Variants in ELF2 observed in about 807,000 individuals in gnomAD.
The protein encoded by ELF2 is ETS-related transcription factor Elf-2.
Under a neutral mutation model 54.8 loss-of-function variants are expected in ELF2, and 11 were observed. The observed-to-expected ratio is 0.20, with a 90% confidence interval of 0.13 to 0.33. The LOEUF is 0.33. Ranked by LOEUF, ELF2 falls within the 10% of genes least tolerant of loss-of-function variation. ELF2 has a pLI of 1.00. For missense variants in ELF2, 513 were observed against 703.0 expected (o/e 0.73, Z 3.06); for synonymous variants, 203 against 245.1 (o/e 0.83, Z 1.61).
chr4:139,090,618 A>G (rs1177417435), intron 4 of ELF2, among the ~76,000 whole-genome samples: 1 of 152,164 alleles, frequency 6.6e-6, no homozygotes, highest in Non-Finnish European at 1.5e-5. Flanking sequence ...TTCTTGAGAC[A>G]GGGTCTGGCT....
intron 1 of ELF2, among the ~76,000 whole-genome samples, chr4:139,176,557 G>C (rs1317952615): frequency 3.3e-5 from 5 of 151,952 alleles, no homozygotes; most frequent in African/African-American, 1.2e-4. Flanking sequence ...GCCTCCCCGC[G>C]GGATGAGGCG....
chr4:139,133,640 T>TG (rs1272402012), intron 3 of ELF2, among the ~76,000 whole-genome samples: 1 of 151,776 alleles, frequency 6.6e-6, no homozygotes, highest in African/African-American at 2.4e-5. Context: ...CCCTACCTTT[T>TG]TTTTTTTTTT....
chr4:139,091,209 C>T (rs1226546708), intron 4 of ELF2, among the ~76,000 whole-genome samples: 3 of 152,092 alleles, frequency 2.0e-5, no homozygotes, highest in East Asian at 3.9e-4. Flanking sequence ...GGATTAAAGG[C>T]GTGAGCCACC....
chr4:139,177,902 G>C (rs1743140425), upstream of ELF2, among the ~76,000 whole-genome samples: 1 of 152,094 alleles, frequency 6.6e-6, no homozygotes, highest in Admixed American at 6.5e-5. Flanking sequence ...CTCAGCCTTG[G>C]CTTAGTGAAA....
chr4:139,114,561 TCACACACACACA>T (rs776035411), intron 4 of ELF2, among the ~76,000 whole-genome samples: 6 of 108,646 alleles, frequency 5.5e-5, no homozygotes, highest in Middle Eastern at 4.4e-3. Context: ...GACTTCAGTC[TCACACACACACA>T]CACACACACA....
In ELF2 at chr4:139,169,069, C is replaced by T. The variant is rs186785867; in HGVS notation, c.-252+7898G>A. On this transcript the variant is annotated intron_variant, in intron 1 of 9. Coordinates refer to ENST00000686138, the MANE Select transcript of ELF2 (RefSeq NM_001331036.3). ...CAGTAATCCCAGCACTTTGGGAGGCCGAGACAGGCAGATCACGCTTGTAAT... is the reference window on the plus strand; with the variant it reads ...CAGTAATCCCAGCACTTTGGGAGGCTGAGACAGGCAGATCACGCTTGTAAT... Among the ~76,000 whole-genome samples, 353 of 151,884 alleles carry T rather than the reference C, an allele frequency of 2.3e-3. 1 individual carries two copies. The highest frequency in any genetic ancestry group is 4.1e-3 in the Non-Finnish European group (278 of 67,898).
At chr4:139,106,928 C>T (rs1734478765) in intron 4 of ELF2, among the ~76,000 whole-genome samples, 1 of 151,028 alleles carries the variant, frequency 6.6e-6, no homozygotes, top group South Asian at 2.1e-4. Context: ...TTGTATTTAG[C>T]AGAGAAGGGG....
At chr4:139,136,977 C>G (rs1407796713) in intron 3 of ELF2, 1 of 152,176 alleles carries the variant, frequency 6.6e-6, no homozygotes, top group Admixed American at 6.6e-5. Flanking sequence ...AATATTCACT[C>G]TTTACTGAAT....
intron 1 of ELF2, among the ~76,000 whole-genome samples, chr4:139,159,660 G>A (rs1047547966): frequency 6.6e-6 from 1 of 152,186 alleles, no homozygotes; most frequent in Non-Finnish European, 1.5e-5. Context: ...GAAATGATGG[G>A]ATCTGATGCC....
At chr4:139,086,118 T>G (rs1161637270) in intron 4 of ELF2, among the ~76,000 whole-genome samples, 1 of 152,150 alleles carries the variant, frequency 6.6e-6, no homozygotes, top group African/African-American at 2.4e-5. Flanking sequence ...TGCAAAATGG[T>G]TGATTTTTTT....
At chr4:139,081,592 G>C (rs761589678) in intron 4 of ELF2, among the ~76,000 whole-genome samples, 9 of 152,142 alleles carry the variant, frequency 5.9e-5, no homozygotes, top group Admixed American at 1.3e-4. Context: ...TTGTGAGGAA[G>C]AATTCTCTGT....
intron 4 of ELF2, among the ~76,000 whole-genome samples, chr4:139,092,796 C>G (rs1732816464): frequency 6.6e-6 from 1 of 151,116 alleles, no homozygotes; most frequent in African/African-American, 2.4e-5. Flanking sequence ...GAGACTCCGT[C>G]TCAAAAATAA....
At chr4:139,093,403 A>C (rs930236433) in intron 4 of ELF2, among the ~76,000 whole-genome samples, 3 of 152,246 alleles carry the variant, frequency 2.0e-5, no homozygotes, top group Non-Finnish European at 4.4e-5. Context: ...TAACTTATGC[A>C]AGCTGTTTGC....
At position 139,058,833 on chromosome 4, in the gene ELF2, A is replaced by G. The variant is rs1428266892; in HGVS notation, c.*150T>C. 13 of 1,089,232 alleles carry G rather than the reference A, an allele frequency of 1.2e-5. No homozygotes were observed. The highest frequency in any genetic ancestry group is 1.3e-5 in the Non-Finnish European group (10 of 789,244). 67.5% of individuals were successfully genotyped at this position (1,089,232 alleles called of 1,614,324 possible). A position where few individuals can be genotyped will look rare whatever the true frequency, so the allele number is the denominator to read the frequency against. ...TTCATTTCCCACTGAAACATGGGATAGGTAATTTATTTCCAGTAAGTCTGA... is the reference window on the plus strand; with the variant it reads ...TTCATTTCCCACTGAAACATGGGATGGGTAATTTATTTCCAGTAAGTCTGA... On this transcript the variant is annotated 3_prime_UTR_variant, in exon 10 of 10. Transcript: ENST00000686138.
At chr4:139,061,741 C>T (rs961650055) in intron 8 of ELF2, 124 bp downstream of exon 8, 6 of 1,057,936 alleles carry the variant, frequency 5.7e-6, no homozygotes, top group Non-Finnish European at 6.6e-6. Context: ...ATCTAAGAAG[C>T]TCCTCTAGAA....
At chr4:139,135,768 T>C (rs940928588) in intron 3 of ELF2, among the ~76,000 whole-genome samples, 29 of 152,210 alleles carry the variant, frequency 1.9e-4, no homozygotes, top group African/African-American at 6.8e-4. Context: ...ATAGTCTTCT[T>C]CTGACTTCCT....
chr4:139,110,703 C>T (rs1223247992), intron 4 of ELF2, among the ~76,000 whole-genome samples: 1 of 142,638 alleles, frequency 7.0e-6, no homozygotes, highest in African/African-American at 2.6e-5. Context: ...AACTGCACTG[C>T]TTAGGAGCTA....
chr4:139,060,237 A>G, intron 9 of ELF2, 87 bp downstream of exon 9: 2 of 1,201,766 alleles, frequency 1.7e-6, no homozygotes, highest in Non-Finnish European at 1.1e-6. Context: ...TTAGAACACT[A>G]ATATTAAGCA....
chr4:139,091,634 C>G (rs1001109443), intron 4 of ELF2, among the ~76,000 whole-genome samples: 3 of 152,058 alleles, frequency 2.0e-5, no homozygotes, highest in Non-Finnish European at 2.9e-5. Context: ...CAGGTGTGTA[C>G]CATTGCACCC....
Sources: allele counts gnomAD v4.1 joint callset (sites outside exome capture counted in the v4.1 genomes callset), GRCh38; gene constraint gnomAD v4.1.1; transcripts MANE v1.5; gene names NCBI Gene and HGNC (gene_info 2026-07-23, HGNC 2026-07-21).